Variants in OR1M1 observed in about 807,000 individuals in gnomAD.
The protein encoded by OR1M1 is olfactory receptor 1M1.
For missense variants in OR1M1, 397 were observed against 401.8 expected (o/e 0.99, Z 0.10); for synonymous variants, 157 against 165.5 (o/e 0.95, Z 0.39).
chr19:9,093,061 A>T (rs2050302320), intron 1 of OR1M1, 171 bp from the exon 2 acceptor site: 1 of 425,590 alleles, frequency 2.3e-6, no homozygotes, highest in Non-Finnish European at 4.1e-6. Context: ...ATACACACAC[A>T]CATATATATT....
intron 1 of OR1M1, among the ~76,000 whole-genome samples, chr19:9,087,551 G>C (rs1428289438): frequency 6.6e-6 from 1 of 151,604 alleles, no homozygotes. Context: ...TCCCAGGTTC[G>C]AGCAATTCTC....
At chr19:9,088,758 G>T (rs1323134235) in intron 1 of OR1M1, among the ~76,000 whole-genome samples, 1 of 151,940 alleles carries the variant, frequency 6.6e-6, no homozygotes, top group Non-Finnish European at 1.5e-5. Context: ...TGTGGTGGTG[G>T]GTGCCTGTAA....
chr19:9,093,132 T>A, intron 1 of OR1M1, 100 bp from the exon 2 acceptor site: 1 of 629,676 alleles, frequency 1.6e-6, no homozygotes, highest in Non-Finnish European at 2.8e-6. Flanking sequence ...ACACATCTGG[T>A]CTCATAATTA....
intron 1 of OR1M1, among the ~76,000 whole-genome samples, chr19:9,090,596 G>A (rs1054139632): frequency 6.6e-6 from 1 of 151,902 alleles, no homozygotes; most frequent in East Asian, 2.0e-4. Context: ...CACCATGCCC[G>A]GCTAATTTTG....
Position 9,090,243 on chromosome 19 carries a change from T to C in OR1M1, c.-13-2989T>C, listed in dbSNP as rs190026613. On this transcript the variant is annotated intron_variant, in intron 1 of 1. Transcript: ENST00000641627. ...TTTCAAATGTCTTGAGGACAGGGTC[T>C]GTGTATTTTCATATATTTGTCCCCA... Among the ~76,000 whole-genome samples, 5 of 152,324 alleles carry C rather than the reference T, an allele frequency of 3.3e-5. No individual in the cohort carries two copies. In the East Asian group the frequency reaches 7.7e-4, roughly 23 times the overall value.
chr19:9,092,628 G>C (rs1056149053), intron 1 of OR1M1, among the ~76,000 whole-genome samples: 1 of 151,914 alleles, frequency 6.6e-6, no homozygotes, highest in Non-Finnish European at 1.5e-5. Context: ...TTAGCCTGGC[G>C]TGGTGGCTCA....
intron 1 of OR1M1, among the ~76,000 whole-genome samples, chr19:9,092,386 G>A (rs747615183): frequency 2.6e-5 from 4 of 151,962 alleles, no homozygotes; most frequent in Non-Finnish European, 5.9e-5. Flanking sequence ...TCAAGCTCAG[G>A]AATTCAAGAC....
intron 1 of OR1M1, among the ~76,000 whole-genome samples, chr19:9,092,034 G>A (rs79915041): frequency 0.014 from 1,993 of 144,588 alleles, 16 homozygotes; most frequent in Non-Finnish European, 0.021. Context: ...TCAGCCTCCC[G>A]AGTACTTGGA....
chr19:9,093,060 CACAT>C (rs2050302335), intron 1 of OR1M1, 168 bp from the exon 2 acceptor site: 5 of 420,920 alleles, frequency 1.2e-5, no homozygotes, highest in African/African-American at 8.4e-5. Context: ...TATACACACA[CACAT>C]ATATATTCTA....
rs2050321795 is a variant in OR1M1 at position 9,095,472 on chromosome 19, G to A, written c.*1286G>A. 6.6e-6 allele frequency: 1 copy of A among 150,840 alleles called. No homozygotes were observed. The highest frequency in any genetic ancestry group is 1.5e-5 in the Non-Finnish European group (1 of 67,816). 9.3% of individuals were successfully genotyped at this position (150,840 alleles called of 1,614,324 possible). On this transcript the variant is annotated 3_prime_UTR_variant, in exon 2 of 2. Coordinates refer to ENST00000641627, the MANE Select transcript of OR1M1 (RefSeq NM_001004456.2). The stretch of plus-strand genomic sequence containing the variant: ...CATGATTATAGCTCACTGCAGTCTT[G>A]ACCTCCTGGGCTCAAGCAGTCCTCC...
At chr19:9,088,338 T>C (rs1463393672) in intron 1 of OR1M1, among the ~76,000 whole-genome samples, 1 of 152,144 alleles carries the variant, frequency 6.6e-6, no homozygotes, top group Non-Finnish European at 1.5e-5. Flanking sequence ...TGAGAGATCT[T>C]AGACACAGAG....
At chr19:9,091,081 G>A (rs905499268) in intron 1 of OR1M1, among the ~76,000 whole-genome samples, 2 of 151,942 alleles carry the variant, frequency 1.3e-5, no homozygotes, top group African/African-American at 4.8e-5. Flanking sequence ...GCAGGAGAAT[G>A]GCGTGAACCT....
Position 9,094,252 on chromosome 19 carries a change from G to A in OR1M1, c.*66G>A. 1 of 873,936 alleles carries A rather than the reference G, an allele frequency of 1.1e-6. No homozygotes were observed. The highest frequency in any genetic ancestry group is 1.7e-6 in the Non-Finnish European group (1 of 571,446). 54.1% of individuals were successfully genotyped at this position (873,936 alleles called of 1,614,324 possible). On this transcript the variant is annotated 3_prime_UTR_variant, in exon 2 of 2. Coordinates refer to ENST00000641627, the MANE Select transcript of OR1M1 (RefSeq NM_001004456.2). ...ATCTGGGAGTCTTGGGCTAACATCTGGAATTGCATGAGTTGAAGAGTAGGC... is the reference window on the plus strand; with the variant it reads ...ATCTGGGAGTCTTGGGCTAACATCTAGAATTGCATGAGTTGAAGAGTAGGC...
intron 1 of OR1M1, among the ~76,000 whole-genome samples, chr19:9,091,231 T>C (rs1286684441): frequency 1.3e-5 from 2 of 151,834 alleles, no homozygotes; most frequent in Admixed American, 1.3e-4. Context: ...TTTACACCCA[T>C]AATCCCGGCA....
Position 9,093,880 on chromosome 19 carries a change from C to A in OR1M1, c.636C>A (p.Val212=), listed in dbSNP as rs753023462. The A allele has an allele frequency of 6.2e-7, 1 of 1,614,162 alleles. No individual in the cohort carries two copies. The highest frequency in any genetic ancestry group is 1.7e-5 in the Admixed American group (1 of 60,018). The part of the protein sequence containing the change: ...VAGMVIATPF[V]CILASYARIL... ...GGATGGTGATAGCCACGCCCTTTGT[C>A]TGCATCCTGGCCTCCTATGCTCGCA... The change falls in exon 2 of 2, where the codon GTC becomes GTA. Residue 212 remains valine (V), a synonymous_variant. Transcript: ENST00000641627.
At chr19:9,088,412 G>A (rs911230688) in intron 1 of OR1M1, among the ~76,000 whole-genome samples, 1 of 152,104 alleles carries the variant, frequency 6.6e-6, no homozygotes, top group African/African-American at 2.4e-5. Flanking sequence ...AGAAGCTTAA[G>A]GGATGAATCT....
chr19:9,087,890 G>A (rs77893896), intron 1 of OR1M1, among the ~76,000 whole-genome samples: 5 of 151,488 alleles, frequency 3.3e-5, no homozygotes, highest in African/African-American at 1.2e-4. Flanking sequence ...GTTTTTCTTC[G>A]TAACTAGACT....
At chr19:9,093,077 TATAC>T (rs1481125139) in intron 1 of OR1M1, 151 bp from the exon 2 acceptor site, 56 of 458,886 alleles carry the variant, frequency 1.2e-4, no homozygotes, top group African/African-American at 6.3e-4. Flanking sequence ...ATATTCTATA[TATAC>T]ACACACACAC....
At chr19:9,090,686 G>A (rs796484301) in intron 1 of OR1M1, among the ~76,000 whole-genome samples, 20 of 151,572 alleles carry the variant, frequency 1.3e-4, no homozygotes, top group African/African-American at 3.6e-4. Flanking sequence ...CGCCTGCCTC[G>A]GCCTCCCAAA....
Sources: gnomAD v4.1 joint callset for allele counts (sites outside exome capture counted in the v4.1 genomes callset) on GRCh38, gnomAD v4.1.1 for gene constraint, MANE v1.5 for transcripts, NCBI Gene and HGNC (gene_info 2026-07-23, HGNC 2026-07-21) for gene names.